Variants in SORCS2 observed in about 807,000 individuals in gnomAD.
SORCS2 encodes the protein VPS10 domain-containing receptor SorCS2.
In SORCS2, 100 loss-of-function variants were observed where a neutral mutation model predicts 141.6. That is an observed-to-expected ratio of 0.71 (90% CI 0.60 to 0.83). SORCS2 has a LOEUF of 0.83. Among genes scored for constraint, SORCS2 ranks in the 40% least tolerant of loss-of-function variants. SORCS2 has a pLI of 0.00. For missense variants in SORCS2, 1,646 were observed against 1,560.2 expected, an observed-to-expected ratio of 1.05 and a Z score of -0.93; for synonymous variants, 789 against 676.9, an observed-to-expected ratio of 1.17 and a Z score of -2.57.
chr4:7,498,050 G>A (rs980783953), intron 2 of SORCS2, among the ~76,000 whole-genome samples: 1 of 152,240 alleles, frequency 6.6e-6, no homozygotes, highest in African/African-American at 2.4e-5. Flanking sequence ...CCAGGCCTCC[G>A]TTTCGGGACC....
intron 2 of SORCS2, among the ~76,000 whole-genome samples, chr4:7,520,764 C>G (rs1459892528): frequency 6.6e-6 from 1 of 152,228 alleles, no homozygotes; most frequent in Non-Finnish European, 1.5e-5. Flanking sequence ...AGGGCTGAGT[C>G]TGGGGGTGAG....
At chr4:7,414,556 G>A (rs1202764817) in intron 2 of SORCS2, among the ~76,000 whole-genome samples, 2 of 152,210 alleles carry the variant, frequency 1.3e-5, no homozygotes, top group Admixed American at 6.5e-5. Context: ...AAATTCTCTC[G>A]GCCACGAGGA....
intron 2 of SORCS2, among the ~76,000 whole-genome samples, chr4:7,454,275 T>A (rs1184158611): frequency 3.5e-5 from 4 of 114,192 alleles, no homozygotes; most frequent in Admixed American, 9.1e-5. Flanking sequence ...GGGGTCAGGC[T>A]CCGTGTTGGG....
chr4:7,688,988 G>A (rs1724043141), intron 10 of SORCS2, among the ~76,000 whole-genome samples: 1 of 152,204 alleles, frequency 6.6e-6, no homozygotes, highest in Non-Finnish European at 1.5e-5. Context: ...GGATACTGTG[G>A]TCACATAAGA....
chr4:7,443,197 T>C (rs1347350293), intron 2 of SORCS2, among the ~76,000 whole-genome samples: 1 of 152,198 alleles, frequency 6.6e-6, no homozygotes, highest in Non-Finnish European at 1.5e-5. Context: ...CATATCTTTT[T>C]TTGGGAGGAA....
intron 3 of SORCS2, among the ~76,000 whole-genome samples, chr4:7,627,237 G>A (rs957164320): frequency 4.6e-5 from 7 of 152,100 alleles, no homozygotes; most frequent in Admixed American, 6.5e-5. Flanking sequence ...CACCCACCTC[G>A]GCCTCTCAAA....
At chr4:7,344,372 A>G (rs973704369) in intron 1 of SORCS2, among the ~76,000 whole-genome samples, 1 of 152,178 alleles carries the variant, frequency 6.6e-6, no homozygotes, top group Non-Finnish European at 1.5e-5. Flanking sequence ...AATGACAGGA[A>G]ACCAGGCGCC....
intron 3 of SORCS2, among the ~76,000 whole-genome samples, chr4:7,572,436 AT>A (rs965476424): frequency 1.3e-5 from 2 of 151,952 alleles, no homozygotes; most frequent in African/African-American, 2.4e-5. Flanking sequence ...CTTTACGTGA[AT>A]TTTTTTTGGA....
At chr4:7,688,242 T>A (rs1340323649) in intron 10 of SORCS2, among the ~76,000 whole-genome samples, 1 of 152,174 alleles carries the variant, frequency 6.6e-6, no homozygotes, top group African/African-American at 2.4e-5. Flanking sequence ...GATTCTGGAA[T>A]GACCCCTGCA....
At chr4:7,612,393 G>C (rs929978275) in intron 3 of SORCS2, among the ~76,000 whole-genome samples, 5 of 152,192 alleles carry the variant, frequency 3.3e-5, no homozygotes, top group Non-Finnish European at 5.9e-5. Flanking sequence ...GTGCCCTCCG[G>C]CTGCCTGCTC....
intron 3 of SORCS2, among the ~76,000 whole-genome samples, chr4:7,577,923 G>C (rs1432380400): frequency 6.6e-6 from 1 of 151,896 alleles, no homozygotes; most frequent in Non-Finnish European, 1.5e-5. Flanking sequence ...AAGTCAGCTA[G>C]TGCCATGGTT....
rs1345038404 is a variant in SORCS2, at chr4:7,723,835, G to C, written c.2563G>C (p.Glu855Gln). 2 of 1,612,914 alleles carry C rather than the reference G, an allele frequency of 1.2e-6. No homozygotes were observed. The highest frequency in any genetic ancestry group is 1.7e-6 in the Non-Finnish European group (2 of 1,179,876). The change falls in exon 19 of 27, where the codon GAG becomes CAG. Residue 855 changes from glutamate to glutamine, a missense_variant. Glu to Gln is a conservative substitution (Grantham distance 29). Coordinates refer to ENST00000507866, the MANE Select transcript of SORCS2 (RefSeq NM_020777.3). ...CATCTACCGCGTGTCCGTCAGGGCA[G>C]AGAACACGGCAGGCCACGATGAGGC... ...PGIYRVSVRAENTAGHDEAVL... is the reference protein window; with the variant it reads ...PGIYRVSVRAQNTAGHDEAVL...
At chr4:7,654,450 G>A (rs1337548570) in intron 5 of SORCS2, among the ~76,000 whole-genome samples, 1 of 152,194 alleles carries the variant, frequency 6.6e-6, no homozygotes, top group Non-Finnish European at 1.5e-5. Flanking sequence ...AGAGTCCAGG[G>A]GTTGGTGTCC....
At chr4:7,336,887 G>A (rs1377094617) in intron 1 of SORCS2, among the ~76,000 whole-genome samples, 3 of 152,166 alleles carry the variant, frequency 2.0e-5, no homozygotes, top group Admixed American at 2.0e-4. Context: ...CTGAGTCCAG[G>A]TTCCGTGAGA....
At chr4:7,492,316 G>T (rs1731365056) in intron 2 of SORCS2, among the ~76,000 whole-genome samples, 3 of 152,214 alleles carry the variant, frequency 2.0e-5, no homozygotes, top group Non-Finnish European at 2.9e-5. Context: ...AACCTATGAG[G>T]TCGCGCGGTA....
intron 3 of SORCS2, among the ~76,000 whole-genome samples, chr4:7,557,640 C>T (rs1714234351): frequency 6.6e-6 from 1 of 152,222 alleles, no homozygotes; most frequent in Admixed American, 6.5e-5. Flanking sequence ...GCTTTTCCAT[C>T]TCCAGTGCCT....
intron 1 of SORCS2, among the ~76,000 whole-genome samples, chr4:7,338,897 G>C (rs541122556): frequency 6.6e-6 from 1 of 152,170 alleles, no homozygotes; most frequent in Non-Finnish European, 1.5e-5. Flanking sequence ...TGGAAGGCAC[G>C]TGGTCGTGCT....
At position 7,193,475 on chromosome 4, in the gene SORCS2, T is replaced by TC. The variant is rs1726974143; in HGVS notation, c.480+350dup. Among the ~76,000 whole-genome samples, 2 of 152,218 alleles carry TC rather than the reference T, an allele frequency of 1.3e-5. No individual in the cohort carries two copies. Among genetic ancestry groups the TC allele is most frequent in the South Asian group, 4.2e-4 (2 of 4,810 alleles). ...TGCAGGTCCTTGAGGGTACCCCAGC[T>TC]CGGCGTTACCTCCCCTGCCCCCAGA... On this transcript the variant is annotated intron_variant, in intron 1 of 26. Coordinates refer to ENST00000507866, the MANE Select transcript of SORCS2 (RefSeq NM_020777.3). The surrounding 1 kb of genome is among the most constrained non-coding windows in gnomAD (Gnocchi z 4.8).
chr4:7,257,052 G>T (rs1713935919), intron 1 of SORCS2, among the ~76,000 whole-genome samples: 1 of 152,156 alleles, frequency 6.6e-6, no homozygotes, highest in Non-Finnish European at 1.5e-5. Flanking sequence ...TCTAGAACAG[G>T]ACAAGTTTTG....
Sources: allele counts gnomAD v4.1 joint callset (sites outside exome capture counted in the v4.1 genomes callset), GRCh38; gene constraint gnomAD v4.1.1; non-coding constraint Gnocchi (gnomAD v3.1); transcripts MANE v1.5; gene names NCBI Gene and HGNC (gene_info 2026-07-23, HGNC 2026-07-21).